SLC12A1: variants seen among roughly 807,000 people sequenced by gnomAD.
SLC12A1 encodes the protein Na-K-2Cl cotransporter.
A neutral mutation model predicts 130.4 loss-of-function variants in SLC12A1; 89 were observed. That is an observed-to-expected ratio of 0.68 (90% confidence interval 0.58 to 0.81). The LOEUF (loss-of-function observed/expected upper bound fraction) is 0.81. SLC12A1 is among the 40% of genes least tolerant of loss of function. The probability of loss-of-function intolerance (pLI) is 0.00; values close to 1 mark genes in which losing one functional copy is unlikely to be tolerated. For missense variants in SLC12A1, 1,310 were observed against 1,336.4 expected, an observed-to-expected ratio of 0.98 and a Z score of 0.31; for synonymous variants, 499 against 460.0, an observed-to-expected ratio of 1.08 and a Z score of -1.09.
At chr15:48,286,553 C>A (rs997293338) in intron 21 of SLC12A1, among the ~76,000 whole-genome samples, 1 of 152,134 alleles carries the variant, frequency 6.6e-6, no homozygotes, top group East Asian at 1.9e-4. Context: ...AAAGTCATAG[C>A]CCAATAATGT....
intron 15 of SLC12A1, 83 bp from the exon 16 acceptor site, chr15:48,255,728 G>T: frequency 1.2e-6 from 1 of 857,622 alleles, no homozygotes; most frequent in East Asian, 2.7e-5. Flanking sequence ...GAAAATCATA[G>T]AAGGGAATGA....
In SLC12A1 at chr15:48,259,272, C is replaced by G. The variant is rs1435418901; in HGVS notation, c.2115C>G (p.Thr705=). Residue 705 remains threonine (T), a synonymous_variant, in exon 17 of 27, where the codon ACC becomes ACG. Coordinates refer to ENST00000380993, the MANE Select transcript of SLC12A1 (RefSeq NM_000338.3). ...TCCTGGACATAACTCACGCCTTTAC[C>G]AAGAACAGTGGCCTTTGCATCTGCT... is the stretch of plus-strand genomic sequence containing the variant. ...PALLDITHAF[T]KNSGLCICCE... 1 of 1,613,764 alleles carries G rather than the reference C, an allele frequency of 6.2e-7. No individual in the cohort carries two copies. The highest frequency in any genetic ancestry group is 8.5e-7 in the Non-Finnish European group (1 of 1,179,732).
chr15:48,229,187 A>T lies in SLC12A1; in HGVS notation c.725-2A>T. 1 of 1,584,300 alleles carries T rather than the reference A, an allele frequency of 6.3e-7. No individual in the cohort carries two copies. Among genetic ancestry groups the T allele is most frequent in the East Asian group, 2.3e-5 (1 of 44,002 alleles). On this transcript the variant is annotated splice_acceptor_variant, in intron 5 of 26. Coordinates refer to ENST00000380993, the MANE Select transcript of SLC12A1 (RefSeq NM_000338.3). LOFTEE classifies it high-confidence loss of function. ...GTGAAGTATGTTCATTTCTTGTTTCAGGTGGGGCCTACTATCTTATTTCCA... is the reference window on the plus strand; with the variant it reads ...GTGAAGTATGTTCATTTCTTGTTTCTGGTGGGGCCTACTATCTTATTTCCA...
chr15:48,252,293 A>G (rs1038714929), intron 15 of SLC12A1, among the ~76,000 whole-genome samples: 9 of 152,334 alleles, frequency 5.9e-5, no homozygotes, highest in African/African-American at 2.2e-4. Context: ...TCACAATACT[A>G]TTAGTCCCAT....
At chr15:48,264,025 A>G (rs1448287984) in intron 17 of SLC12A1, among the ~76,000 whole-genome samples, 1 of 152,056 alleles carries the variant, frequency 6.6e-6, no homozygotes, top group Non-Finnish European at 1.5e-5. Context: ...GCCATTACAG[A>G]TCAAGTTAAA....
chr15:48,270,990 G>A (rs1320459722), intron 19 of SLC12A1, among the ~76,000 whole-genome samples: 8 of 150,586 alleles, frequency 5.3e-5, no homozygotes, highest in African/African-American at 1.2e-4. Flanking sequence ...TTGGGAGGCC[G>A]AGGCGGGTGG....
rs552256602 is a variant in SLC12A1 at position 48,256,504 on chromosome 15, A to T, written c.2042+594A>T. ...CCAAGACTGGGTAATTTATAATTTT[A>T]AAAAAAGAGGCTTAATGGACTCACC... is the stretch of plus-strand genomic sequence containing the variant. On this transcript the variant is annotated intron_variant, in intron 16 of 26. Coordinates refer to ENST00000380993, the MANE Select transcript of SLC12A1 (RefSeq NM_000338.3). Among the ~76,000 whole-genome samples the T allele has an allele frequency of 2.6e-5, 4 of 152,268 alleles. No individual in the cohort carries two copies. In the East Asian group the frequency reaches 7.7e-4, roughly 29 times the overall value.
intron 10 of SLC12A1, among the ~76,000 whole-genome samples, chr15:48,242,521 G>T (rs902081476): frequency 6.6e-6 from 1 of 152,148 alleles, no homozygotes; most frequent in Non-Finnish European, 1.5e-5. Context: ...GTATTGTTGC[G>T]GCTGGGCACA....
At chr15:48,282,992 G>A in intron 20 of SLC12A1, among the ~76,000 whole-genome samples, 1 of 152,124 alleles carries the variant, frequency 6.6e-6, no homozygotes, top group East Asian at 1.9e-4. Context: ...GATGATAATA[G>A]TAGTAACTAT....
chr15:48,260,350 A>T (rs1287587268), intron 17 of SLC12A1, among the ~76,000 whole-genome samples: 2 of 73,536 alleles, frequency 2.7e-5, no homozygotes, highest in African/African-American at 1.3e-4. Context: ...TCTCTCTATC[A>T]CACACACACA....
At chr15:48,219,194 C>G (rs2041167052) in intron 2 of SLC12A1, among the ~76,000 whole-genome samples, 1 of 152,196 alleles carries the variant, frequency 6.6e-6, no homozygotes, top group South Asian at 2.1e-4. Context: ...TTCTTGTCAT[C>G]ATCCAGTGCA....
chr15:48,300,214 C>T (rs1486636123), intron 25 of SLC12A1, among the ~76,000 whole-genome samples: 2 of 151,728 alleles, frequency 1.3e-5, no homozygotes, highest in Non-Finnish European at 2.9e-5. Flanking sequence ...GTGTGTGGTC[C>T]CAGCTACTTG....
chr15:48,285,215 C>T lies in SLC12A1; in HGVS notation c.2595C>T (p.Gly865=). 2 of 1,613,762 alleles carry T rather than the reference C, an allele frequency of 1.2e-6. No individual in the cohort carries two copies. The highest frequency in any genetic ancestry group is 1.7e-6 in the Non-Finnish European group (2 of 1,179,804). ...GGIRGLFKKA[G]KLNITKTTPK... ...TCCGAGGCTTGTTTAAAAAAGCTGG[C>T]AAGTTGAACATTACTAAGACAACGC... is the stretch of plus-strand genomic sequence containing the variant. The change falls in exon 21 of 27, where the codon GGC becomes GGT. Residue 865 remains glycine, a synonymous_variant. Coordinates refer to ENST00000380993, the MANE Select transcript of SLC12A1 (RefSeq NM_000338.3).
intron 5 of SLC12A1, 104 bp from the exon 6 acceptor site, chr15:48,229,085 T>C (rs1443234326): frequency 8.0e-7 from 1 of 1,249,238 alleles, no homozygotes; most frequent in Admixed American, 2.6e-5. Flanking sequence ...TGTAATACTG[T>C]TATTGAAATA....
chr15:48,249,645 C>T lies in SLC12A1; in HGVS notation c.1755C>T (p.Ser585=). Residue 585 remains serine, a synonymous_variant, in exon 14 of 27, where the codon TCC becomes TCT. Coordinates refer to ENST00000380993, the MANE Select transcript of SLC12A1 (RefSeq NM_000338.3). ...CCTCATATGCACTTATTAATTTCTC[C>T]TGCTTCCATGCCTCTTATGCCAAAT... The part of the protein sequence containing the change: ...FLASYALINF[S]CFHASYAKSP... 1 of 1,613,812 alleles carries T rather than the reference C, an allele frequency of 6.2e-7. No individual in the cohort carries two copies. Among genetic ancestry groups the T allele is most frequent in the Non-Finnish European group, 8.5e-7 (1 of 1,179,734 alleles).
chr15:48,298,541 A>G (rs957369752), intron 24 of SLC12A1, among the ~76,000 whole-genome samples: 2 of 152,236 alleles, frequency 1.3e-5, no homozygotes, highest in Non-Finnish European at 2.9e-5. Context: ...AACATCAAAC[A>G]ACAAAAGGAC....
At chr15:48,249,801 G>C (rs913131657) in intron 14 of SLC12A1, 125 bp downstream of exon 14, 1 of 679,598 alleles carries the variant, frequency 1.5e-6, no homozygotes, top group Non-Finnish European at 2.5e-6. Context: ...AGTGGGAAGC[G>C]TAATCCACTT....
At chr15:48,260,618 G>C (rs2041763734) in intron 17 of SLC12A1, among the ~76,000 whole-genome samples, 1 of 152,164 alleles carries the variant, frequency 6.6e-6, no homozygotes, top group African/African-American at 2.4e-5. Context: ...GCAGAGCCAA[G>C]ATATCAGTCC....
At position 48,269,648 on chromosome 15, in the gene SLC12A1, C is replaced by T; in HGVS notation, c.2296-10C>T. On this transcript the variant is annotated splice_polypyrimidine_tract_variant and intron_variant, in intron 18 of 26. Coordinates refer to ENST00000380993, the MANE Select transcript of SLC12A1 (RefSeq NM_000338.3). Reference sequence around the variant, plus strand: ...TAAGGATTGCCCACATTTTTATGTCCTCTGTTTAGGCCTCAGGCTTAGGAA... The same window carrying T: ...TAAGGATTGCCCACATTTTTATGTCTTCTGTTTAGGCCTCAGGCTTAGGAA... 1 of 1,540,528 alleles carries T rather than the reference C, an allele frequency of 6.5e-7. No individual in the cohort carries two copies. Among genetic ancestry groups the T allele is most frequent in the Non-Finnish European group, 9.0e-7 (1 of 1,114,932 alleles).
Sources: gnomAD v4.1 joint callset for allele counts (sites outside exome capture counted in the v4.1 genomes callset) on GRCh38, gnomAD v4.1.1 for gene constraint, MANE v1.5 for transcripts, NCBI Gene and HGNC (gene_info 2026-07-23, HGNC 2026-07-21) for gene names.